Variants in CERS6 observed in about 807,000 individuals in gnomAD.
CERS6 encodes the protein LAG1 homolog, ceramide synthase 6.
A neutral mutation model predicts 56.8 loss-of-function variants in CERS6; 26 were observed. That is an observed-to-expected ratio of 0.46 (90% confidence interval 0.34 to 0.63). The LOEUF is 0.63. Among genes scored for constraint, CERS6 ranks in the 30% least tolerant of loss-of-function variants. The pLI is 0.01. For synonymous variants in CERS6, 164 were observed against 173.3 expected, an observed-to-expected ratio of 0.95 and a Z score of 0.42; for missense variants, 415 against 467.5, an observed-to-expected ratio of 0.89 and a Z score of 1.04.
At chr2:168,743,506 A>G (rs1300245207) in intron 8 of CERS6, among the ~76,000 whole-genome samples, 2 of 152,150 alleles carry the variant, frequency 1.3e-5, no homozygotes, top group South Asian at 2.1e-4. Context: ...TGTGTGGCAC[A>G]TGCCTGTAGT....
intron 8 of CERS6, among the ~76,000 whole-genome samples, chr2:168,749,012 C>A (rs1396764406): frequency 6.6e-6 from 1 of 150,686 alleles, no homozygotes; most frequent in East Asian, 2.0e-4. Flanking sequence ...TTACCATTTC[C>A]TCCTTTCCCC....
intron 4 of CERS6, among the ~76,000 whole-genome samples, chr2:168,655,461 A>G (rs2390727): frequency 0.017 from 2,604 of 152,344 alleles, 106 homozygotes; most frequent in East Asian, 0.16. Flanking sequence ...TACAATAGCC[A>G]AGATATGGAA....
At chr2:168,598,040 C>T (rs1033027392) in intron 3 of CERS6, among the ~76,000 whole-genome samples, 4 of 152,140 alleles carry the variant, frequency 2.6e-5, no homozygotes, top group Non-Finnish European at 4.4e-5. Flanking sequence ...TCTTTTCTGT[C>T]CTCCCCTTAA....
chr2:168,664,987 A>G (rs1334785387), intron 4 of CERS6, among the ~76,000 whole-genome samples: 1 of 152,136 alleles, frequency 6.6e-6, no homozygotes, highest in Admixed American at 6.5e-5. Context: ...GCCCTGGATC[A>G]CTGTCTCCAG....
intron 4 of CERS6, among the ~76,000 whole-genome samples, chr2:168,653,796 C>G (rs946782241): frequency 6.6e-6 from 1 of 152,322 alleles, no homozygotes; most frequent in Admixed American, 6.5e-5. Flanking sequence ...ACTTACAAAT[C>G]CCTGTCTTAG....
At chr2:168,568,827 G>T (rs939324063) in intron 3 of CERS6, among the ~76,000 whole-genome samples, 1 of 152,134 alleles carries the variant, frequency 6.6e-6, no homozygotes. Flanking sequence ...ATGCAAAATC[G>T]CACAACAAAA....
At chr2:168,511,818 A>C (rs1481319909) in intron 1 of CERS6, among the ~76,000 whole-genome samples, 1 of 152,176 alleles carries the variant, frequency 6.6e-6, no homozygotes, top group Admixed American at 6.6e-5. Context: ...TGCATTTAGT[A>C]GTGTAACCAC....
At chr2:168,666,634 G>T (rs915912087) in intron 4 of CERS6, among the ~76,000 whole-genome samples, 1 of 152,166 alleles carries the variant, frequency 6.6e-6, no homozygotes, top group African/African-American at 2.4e-5. Flanking sequence ...TGAGTCTTCA[G>T]TTCATTTGGA....
At chr2:168,714,478 A>G (rs891623164) in intron 6 of CERS6, among the ~76,000 whole-genome samples, 1 of 152,242 alleles carries the variant, frequency 6.6e-6, no homozygotes, top group African/African-American at 2.4e-5. Flanking sequence ...TAGTCAGAGA[A>G]GTGGTCCAGT....
intron 1 of CERS6, among the ~76,000 whole-genome samples, chr2:168,463,577 C>T (rs1025058752): frequency 2.0e-5 from 3 of 152,034 alleles, no homozygotes; most frequent in South Asian, 2.1e-4. Context: ...TATACCCATT[C>T]GTATTTCCTT....
chr2:168,567,916 T>C (rs1187743072), intron 3 of CERS6, among the ~76,000 whole-genome samples: 1 of 152,224 alleles, frequency 6.6e-6, no homozygotes, highest in Non-Finnish European at 1.5e-5. Context: ...ATTCTGAAGA[T>C]TGATGAACCG....
intron 4 of CERS6, among the ~76,000 whole-genome samples, chr2:168,674,083 C>A (rs1685991647): frequency 6.6e-6 from 1 of 151,970 alleles, no homozygotes; most frequent in Non-Finnish European, 1.5e-5. Context: ...AGTAACCAGG[C>A]ATAATGACAA....
intron 8 of CERS6, 114 bp downstream of exon 8, chr2:168,718,092 G>C: frequency 2.9e-6 from 2 of 684,084 alleles, no homozygotes. Flanking sequence ...TATTGGGGGG[G>C]AGGGGAAATA....
intron 8 of CERS6, among the ~76,000 whole-genome samples, chr2:168,727,342 A>G (rs980320811): frequency 1.3e-5 from 2 of 152,124 alleles, no homozygotes; most frequent in African/African-American, 4.8e-5. Flanking sequence ...CGAGGTCAAG[A>G]GTTTGAGACC....
rs911087833 is a variant in CERS6, at chr2:168,772,887, T to A, written c.*3225T>A. ...AGGTTAGGCAAGAAGTGAGATAAAATCAGATCACCTTTGATCAAAATGGTT... is the reference window on the plus strand; with the variant it reads ...AGGTTAGGCAAGAAGTGAGATAAAAACAGATCACCTTTGATCAAAATGGTT... On this transcript the variant is annotated 3_prime_UTR_variant, in exon 10 of 10. Coordinates refer to ENST00000305747, the MANE Select transcript of CERS6 (RefSeq NM_203463.3). 17 of 152,612 alleles carry A rather than the reference T, an allele frequency of 1.1e-4. No homozygotes were observed. Among genetic ancestry groups the A allele is most frequent in the African/African-American group, 4.1e-4 (17 of 41,436 alleles). The allele number at this position is 152,612 out of a possible 1,614,324, so 9.5% of individuals were successfully genotyped here. A position where few individuals can be genotyped will look rare whatever the true frequency, so the allele number is the denominator to read the frequency against.
chr2:168,467,410 G>A (rs970341140), intron 1 of CERS6, among the ~76,000 whole-genome samples: 5 of 152,200 alleles, frequency 3.3e-5, no homozygotes, highest in Non-Finnish European at 7.4e-5. Flanking sequence ...TGGAAAATGG[G>A]AGACTAAAAG....
intron 1 of CERS6, among the ~76,000 whole-genome samples, chr2:168,490,083 A>G (rs1473674847): frequency 6.6e-6 from 1 of 152,096 alleles, no homozygotes; most frequent in Admixed American, 6.6e-5. Context: ...AGCCTTTGTG[A>G]TGCAACTCTG....
intron 1 of CERS6, among the ~76,000 whole-genome samples, chr2:168,510,289 C>T (rs1210849463): frequency 1.3e-5 from 2 of 152,172 alleles, no homozygotes; most frequent in African/African-American, 4.8e-5. Flanking sequence ...GATAAAACAA[C>T]AGAGCAACTT....
chr2:168,485,514 C>A (rs184995507), intron 1 of CERS6, among the ~76,000 whole-genome samples: 17 of 152,134 alleles, frequency 1.1e-4, no homozygotes, highest in African/African-American at 9.7e-5. Context: ...TGCCTCCCCC[C>A]ACACTGAACT....
Sources: gnomAD v4.1 joint callset for allele counts (sites outside exome capture counted in the v4.1 genomes callset) on GRCh38, gnomAD v4.1.1 for gene constraint, MANE v1.5 for transcripts, NCBI Gene and HGNC (gene_info 2026-07-23, HGNC 2026-07-21) for gene names.